Variants in PTPRT observed in about 807,000 individuals in gnomAD.
PTPRT encodes receptor-type tyrosine-protein phosphatase T.
A neutral mutation model predicts 176.8 loss-of-function variants in PTPRT; 56 were observed. The observed-to-expected ratio is 0.32, with a 90% CI of 0.26 to 0.40. PTPRT has a LOEUF of 0.40. Ranked by LOEUF, PTPRT falls within the 10% of genes least tolerant of loss-of-function variation. PTPRT has a pLI of 1.00. For synonymous variants in PTPRT, 783 were observed against 739.0 expected (o/e 1.06, Z -0.96); for missense variants, 1,540 against 1,908.2 (o/e 0.81, Z 3.60).
chr20:42,440,618 C>T (rs578158364), intron 9 of PTPRT, among the ~76,000 whole-genome samples: 1 of 152,072 alleles, frequency 6.6e-6, no homozygotes, highest in Admixed American at 6.5e-5. Context: ...GCTGGGACTA[C>T]AGGTGCCCGC....
intron 7 of PTPRT, among the ~76,000 whole-genome samples, chr20:42,555,366 G>C (rs2072841712): frequency 2.6e-5 from 4 of 152,164 alleles, no homozygotes; most frequent in Admixed American, 2.0e-4. Flanking sequence ...TGACAGTCTA[G>C]GGCGGCCAGG....
chr20:42,107,167 G>A (rs1252407488), intron 23 of PTPRT, among the ~76,000 whole-genome samples: 1 of 152,166 alleles, frequency 6.6e-6, no homozygotes, highest in Non-Finnish European at 1.5e-5. Context: ...CATGGTTCCT[G>A]GCATGCTGGA....
intron 7 of PTPRT, among the ~76,000 whole-genome samples, chr20:42,591,811 A>C (rs554273621): frequency 1.5e-4 from 23 of 152,204 alleles, no homozygotes; most frequent in African/African-American, 5.3e-4. Flanking sequence ...CCATCAGTAC[A>C]GTAAAATGGG....
intron 30 of PTPRT, 50 bp from the exon 31 acceptor site, chr20:42,080,982 G>C (rs1403526248): frequency 1.4e-6 from 2 of 1,459,766 alleles, no homozygotes; most frequent in Non-Finnish European, 1.9e-6. Flanking sequence ...GGAGACGAGA[G>C]AGATGAAAAA....
chr20:42,087,373 G>C (rs1215537417), intron 27 of PTPRT, among the ~76,000 whole-genome samples: 2 of 151,962 alleles, frequency 1.3e-5, no homozygotes, highest in Non-Finnish European at 2.9e-5. Context: ...TGTGACTACA[G>C]GCATGTGCCA....
intron 16 of PTPRT, among the ~76,000 whole-genome samples, chr20:42,179,454 T>G (rs900129944): frequency 1.3e-5 from 2 of 152,238 alleles, no homozygotes; most frequent in Non-Finnish European, 2.9e-5. Flanking sequence ...AACAATGTAC[T>G]TTCAATTGCT....
chr20:42,770,039 G>A (rs1198688844), intron 5 of PTPRT, among the ~76,000 whole-genome samples: 1 of 152,192 alleles, frequency 6.6e-6, no homozygotes, highest in East Asian at 1.9e-4. Flanking sequence ...CTTGATTGTG[G>A]TAATAGTTTC....
chr20:43,011,919 G>A (rs1297503847), intron 1 of PTPRT, among the ~76,000 whole-genome samples: 2 of 152,156 alleles, frequency 1.3e-5, no homozygotes, highest in African/African-American at 4.8e-5. Context: ...CTCCTGAGCT[G>A]GATGCTTCCT....
chr20:42,225,544 GT>G (rs964270435), intron 15 of PTPRT, among the ~76,000 whole-genome samples: 31 of 151,926 alleles, frequency 2.0e-4, no homozygotes, highest in Admixed American at 1.3e-4. Flanking sequence ...GCCTTTTTAA[GT>G]TTTTTTCCTA....
chr20:42,634,526 G>A (rs991356929), intron 7 of PTPRT, among the ~76,000 whole-genome samples: 3 of 151,924 alleles, frequency 2.0e-5, no homozygotes, highest in African/African-American at 7.3e-5. Flanking sequence ...CTGAACTTCA[G>A]GGTTGTTTTG....
At chr20:42,174,019 G>A (rs1990182285) in intron 16 of PTPRT, among the ~76,000 whole-genome samples, 1 of 152,140 alleles carries the variant, frequency 6.6e-6, no homozygotes, top group Non-Finnish European at 1.5e-5. Context: ...ATATTGGTTG[G>A]CAAAGAATGG....
At chr20:42,938,312 T>C (rs1373602581) in intron 1 of PTPRT, among the ~76,000 whole-genome samples, 2 of 152,162 alleles carry the variant, frequency 1.3e-5, no homozygotes, top group African/African-American at 4.8e-5. Flanking sequence ...CCAGGAAGGA[T>C]TACCCCTAGA....
intron 15 of PTPRT, among the ~76,000 whole-genome samples, chr20:42,206,474 C>T (rs549211822): frequency 3.3e-5 from 5 of 152,292 alleles, no homozygotes; most frequent in South Asian, 4.1e-4. Flanking sequence ...ACTTGGGAAG[C>T]GCAAGGGGTC....
chr20:42,387,693 C>T (rs1047063000), intron 9 of PTPRT, among the ~76,000 whole-genome samples: 1 of 151,906 alleles, frequency 6.6e-6, no homozygotes, highest in African/African-American at 2.4e-5. Context: ...TTCCAAGGAA[C>T]ACTTATTTGA....
At chr20:42,455,538 G>C (rs1038564267) in intron 8 of PTPRT, among the ~76,000 whole-genome samples, 1 of 152,130 alleles carries the variant, frequency 6.6e-6, no homozygotes, top group Non-Finnish European at 1.5e-5. Flanking sequence ...CTGAAGTCAT[G>C]AGAATATTTG....
intron 16 of PTPRT, among the ~76,000 whole-genome samples, chr20:42,188,924 A>T (rs1047864026): frequency 6.6e-6 from 1 of 152,230 alleles, no homozygotes; most frequent in Non-Finnish European, 1.5e-5. Flanking sequence ...AACTGATAAA[A>T]TGCACTCTGC....
chr20:42,944,390 C>T (rs537928908), intron 1 of PTPRT, among the ~76,000 whole-genome samples: 12 of 152,322 alleles, frequency 7.9e-5, no homozygotes, highest in African/African-American at 2.6e-4. Context: ...ATAGCAGTGA[C>T]ACTCCTGGAA....
chr20:42,904,614 G>A (rs1398338978), intron 1 of PTPRT, among the ~76,000 whole-genome samples: 2 of 152,130 alleles, frequency 1.3e-5, no homozygotes, highest in Admixed American at 6.5e-5. Flanking sequence ...AGAAGGGTGG[G>A]TCCCTGGCTA....
chr20:42,758,960 C>T (rs1010443027), intron 5 of PTPRT, among the ~76,000 whole-genome samples: 4 of 152,230 alleles, frequency 2.6e-5, no homozygotes, highest in Non-Finnish European at 5.9e-5. Flanking sequence ...ACTTGGACCC[C>T]ACTATGAGAA....
Sources: gnomAD v4.1 joint callset for allele counts (sites outside exome capture counted in the v4.1 genomes callset) on GRCh38, gnomAD v4.1.1 for gene constraint, MANE v1.5 for transcripts, NCBI Gene and HGNC (gene_info 2026-07-23, HGNC 2026-07-21) for gene names.